The following CCDC14 variants were observed in gnomAD, a reference collection of about 807,000 sequenced individuals.
CCDC14 encodes the protein coiled-coil domain-containing protein 14.
A neutral mutation model predicts 81.4 loss-of-function variants in CCDC14; 71 were observed. That is an observed-to-expected ratio of 0.87 (90% CI 0.72 to 1.06). The LOEUF is 1.06. Among genes scored for constraint, CCDC14 ranks in the 50% least tolerant of loss-of-function variants. The probability of loss-of-function intolerance (pLI) is 0.00; values close to 1 mark genes in which losing one functional copy is unlikely to be tolerated. For synonymous variants in CCDC14, 332 were observed against 364.8 expected (o/e 0.91, Z 1.03); for missense variants, 1,046 against 1,047.3 (o/e 1.00, Z 0.02).
downstream of CCDC14, among the ~76,000 whole-genome samples, chr3:123,909,469 A>G (rs535378899): frequency 1.0e-3 from 153 of 152,284 alleles, no homozygotes; most frequent in South Asian, 3.7e-3. Flanking sequence ...ACTTTAAAAC[A>G]AGTTTTAGTA....
chr3:123,926,174 A>T (rs1350789006), intron 12 of CCDC14, among the ~76,000 whole-genome samples: 1 of 152,202 alleles, frequency 6.6e-6, no homozygotes, highest in East Asian at 1.9e-4. Context: ...AATGACATTT[A>T]AAAAAGCTTA....
intron 5 of CCDC14, among the ~76,000 whole-genome samples, chr3:123,904,314 T>A (rs2034250430): frequency 6.6e-6 from 1 of 152,108 alleles, no homozygotes; most frequent in Non-Finnish European, 1.5e-5. Flanking sequence ...CTATATGACT[T>A]CATGAGCATG....
rs780280104 is a variant in CCDC14 at position 123,915,568 on chromosome 3, C to T, written c.1929G>A (p.Met643Ile). 6.2e-7 allele frequency: 1 copy of T among 1,613,934 alleles called. No individual in the cohort carries two copies. The highest frequency in any genetic ancestry group is 8.5e-7 in the Non-Finnish European group (1 of 1,179,888). Residue 643 changes from methionine to isoleucine, a missense_variant, in exon 13 of 13, where the codon ATG becomes ATA. Met to Ile is a conservative substitution (Grantham distance 10). Transcript: ENST00000409697. ...TTGTTTCTAACTTATTTAGATAGCT[C>T]ATTATGGAAGTGTGAGCAGGAGCTG... is the stretch of plus-strand genomic sequence containing the variant. The part of the protein sequence containing the change: ...HDPAPAHTSI[M>I]SYLNKLETNY...
downstream of CCDC14, among the ~76,000 whole-genome samples, chr3:123,912,064 T>C (rs2148770480): frequency 6.6e-6 from 1 of 152,324 alleles, no homozygotes; most frequent in East Asian, 1.9e-4. Context: ...TTATCTTCAA[T>C]GGTGTTCACA....
chr3:123,959,540 A>C (rs2037548240), intron 1 of CCDC14, among the ~76,000 whole-genome samples: 3 of 152,198 alleles, frequency 2.0e-5, no homozygotes, highest in Admixed American at 2.0e-4. Context: ...TATTTATCAG[A>C]TACATGGCTT....
At chr3:123,910,601 T>C (rs2034424207), downstream of CCDC14, among the ~76,000 whole-genome samples, 1 of 151,832 alleles carries the variant, frequency 6.6e-6, no homozygotes, top group Admixed American at 6.6e-5. Flanking sequence ...CCTAAATATT[T>C]AAGAATCTGT....
At chr3:123,934,234 T>C (rs1279162782) in intron 9 of CCDC14, among the ~76,000 whole-genome samples, 1 of 121,238 alleles carries the variant, frequency 8.2e-6, no homozygotes, top group Non-Finnish European at 1.6e-5. Flanking sequence ...ATCGCACCAC[T>C]GCATTCCAGC....
intron 3 of CCDC14, 59 bp downstream of exon 3, chr3:123,956,294 CTT>C: frequency 7.4e-7 from 1 of 1,353,384 alleles, no homozygotes; most frequent in Non-Finnish European, 1.0e-6. Flanking sequence ...TTTATTCCTA[CTT>C]TTTAGCTACT....
intron 5 of CCDC14, among the ~76,000 whole-genome samples, chr3:123,904,795 T>C (rs905143370): frequency 3.9e-5 from 6 of 152,168 alleles, no homozygotes; most frequent in African/African-American, 1.4e-4. Context: ...CAAGTTAACC[T>C]ATAAATTCTA....
chr3:123,891,443 C>G, the CCDC14 span, among the ~76,000 whole-genome samples: 1 of 152,246 alleles, frequency 6.6e-6, no homozygotes, highest in African/African-American at 2.4e-5. Context: ...TAAGTCACCT[C>G]TTGAATGCTT....
Position 123,933,757 on chromosome 3 carries a change from TA to T in CCDC14, c.1344-3del. ...TGCTGGTTCAAAATTCTCAACTGCC[TA>T]AAGAAATAATGAAGAACTATGAATG... On this transcript the variant is annotated splice_polypyrimidine_tract_variant and splice_region_variant and intron_variant, in intron 9 of 12. Coordinates refer to ENST00000409697, the MANE Select transcript of CCDC14 (RefSeq NM_001366335.1). 6.4e-7 allele frequency: 1 copy of T among 1,556,892 alleles called. No homozygotes were observed. Among genetic ancestry groups the T allele is most frequent in the Non-Finnish European group, 8.7e-7 (1 of 1,147,388 alleles).
intron 12 of CCDC14, among the ~76,000 whole-genome samples, chr3:123,918,119 C>A (rs1044352717): frequency 2.0e-5 from 3 of 152,054 alleles, no homozygotes; most frequent in Admixed American, 1.3e-4. Context: ...AGTAGTCACA[C>A]ACATAAACAT....
At chr3:123,898,694 T>C (rs1160077274) in intron 5 of CCDC14, among the ~76,000 whole-genome samples, 2 of 152,138 alleles carry the variant, frequency 1.3e-5, no homozygotes, top group Non-Finnish European at 2.9e-5. Context: ...CCAGTACGTT[T>C]TCTTTTTCTT....
At chr3:123,917,504 A>C (rs2251035) in intron 12 of CCDC14, among the ~76,000 whole-genome samples, 18,380 of 131,006 alleles carry the variant, frequency 0.14, 2,703 homozygotes, top group East Asian at 0.56. Context: ...CAACCAAAAA[A>C]AAAAACAAAA....
chr3:123,946,060 G>T (rs996271952), intron 8 of CCDC14, among the ~76,000 whole-genome samples: 2 of 151,964 alleles, frequency 1.3e-5, no homozygotes, highest in African/African-American at 4.8e-5. Flanking sequence ...TAAGTTGAAG[G>T]TCTGAAAACA....
At chr3:123,954,319 A>G (rs1397228302) in intron 5 of CCDC14, 2 of 152,152 alleles carry the variant, frequency 1.3e-5, no homozygotes, top group Non-Finnish European at 2.9e-5. Context: ...AAACTACTCA[A>G]CTCTGACACT....
intron 5 of CCDC14, among the ~76,000 whole-genome samples, chr3:123,900,737 T>A (rs1415444492): frequency 6.6e-6 from 1 of 152,190 alleles, no homozygotes; most frequent in Admixed American, 6.5e-5. Context: ...ACAAAGTATT[T>A]GAATAGATTT....
intron 12 of CCDC14, among the ~76,000 whole-genome samples, chr3:123,929,768 G>A (rs1488989025): frequency 6.6e-6 from 1 of 152,054 alleles, no homozygotes; most frequent in Non-Finnish European, 1.5e-5. Context: ...ACACCCCTGG[G>A]TTCCTCCAGC....
At chr3:123,936,089 T>A (rs1225769330) in intron 9 of CCDC14, among the ~76,000 whole-genome samples, 1 of 152,112 alleles carries the variant, frequency 6.6e-6, no homozygotes, top group Non-Finnish European at 1.5e-5. Context: ...TTCATGTGCC[T>A]AAGCCAAGAA....
Sources: allele counts gnomAD v4.1 joint callset (sites outside exome capture counted in the v4.1 genomes callset), GRCh38; gene constraint gnomAD v4.1.1; transcripts MANE v1.5; gene names NCBI Gene and HGNC (gene_info 2026-07-23, HGNC 2026-07-21).